UBE3D: variants seen among roughly 807,000 people sequenced by gnomAD.
UBE3D encodes the protein ubiquitin protein ligase E3D, also known as E3 ubiquitin-protein ligase E3D.
A neutral mutation model predicts 49.6 loss-of-function variants in UBE3D; 48 were observed. The ratio of observed to expected loss-of-function variants is 0.97; its 90% CI spans 0.77 to 1.23. The LOEUF (loss-of-function observed/expected upper bound fraction) is 1.23, where lower values mean the gene tolerates loss of function less well. UBE3D is among the 50% of genes most tolerant of loss of function. UBE3D has a pLI of 0.00. For synonymous variants in UBE3D, 189 were observed against 174.2 expected (o/e 1.08, Z -0.67); for missense variants, 452 against 468.4 (o/e 0.96, Z 0.32).
At chr6:83,041,834 T>C (rs1255539596) in intron 4 of UBE3D, among the ~76,000 whole-genome samples, 16 of 152,220 alleles carry the variant, frequency 1.1e-4, no homozygotes, top group Admixed American at 1.0e-3. Context: ...CAATTTTATT[T>C]GCTCTTTAAA....
chr6:82,965,583 CAAAAAAAAAAAA>C (rs35257086), intron 8 of UBE3D, among the ~76,000 whole-genome samples: 1 of 86,358 alleles, frequency 1.2e-5, no homozygotes. Context: ...AACTCCATCT[CAAAAAAAAAAAA>C]AAAAAAAAGA....
intron 8 of UBE3D, among the ~76,000 whole-genome samples, chr6:82,998,372 A>G (rs1482579703): frequency 2.0e-5 from 3 of 152,246 alleles, no homozygotes; most frequent in African/African-American, 7.2e-5. Context: ...AAGCAGAACC[A>G]CAGGAACACT....
At chr6:82,945,028 C>A (rs915255524) in intron 9 of UBE3D, among the ~76,000 whole-genome samples, 2 of 152,226 alleles carry the variant, frequency 1.3e-5, no homozygotes, top group African/African-American at 4.8e-5. Flanking sequence ...CACCCAGTGG[C>A]CGGAGGAAAT....
intron 9 of UBE3D, among the ~76,000 whole-genome samples, chr6:82,949,175 G>A (rs955643049): frequency 4.6e-5 from 7 of 151,936 alleles, no homozygotes; most frequent in Admixed American, 6.6e-5. Flanking sequence ...GTAAAGTTGC[G>A]GGGGACAAAA....
intron 9 of UBE3D, among the ~76,000 whole-genome samples, chr6:82,940,995 T>C (rs142437519): frequency 2.4e-4 from 36 of 152,234 alleles, no homozygotes; most frequent in Non-Finnish European, 1.6e-4. Flanking sequence ...GGTGGATCAC[T>C]TGAGGTCAGG....
intron 8 of UBE3D, among the ~76,000 whole-genome samples, chr6:82,967,889 C>A (rs532174734): frequency 6.6e-6 from 1 of 152,264 alleles, no homozygotes; most frequent in African/African-American, 2.4e-5. Context: ...GCAATCCTCC[C>A]ACCTCAGTCT....
At chr6:83,054,126 C>T in intron 3 of UBE3D, 22 bp downstream of exon 3, 3 of 1,574,072 alleles carry the variant, frequency 1.9e-6, no homozygotes, top group Non-Finnish European at 2.6e-6. Context: ...CAGAATTAAT[C>T]AGTGTTAAAT....
At position 83,027,418 on chromosome 6, in the gene UBE3D, G is replaced by C. The variant is rs539396717; in HGVS notation, c.668-3380C>G. ...ACCACTGTGCTCCAGCCTGGCGACA[G>C]AGCGAGACTCCGTCTCAAAAAAAAA... On this transcript the variant is annotated intron_variant, in intron 5 of 9. Transcript: ENST00000369747. Among the ~76,000 whole-genome samples, 84 of 70,708 alleles carry C rather than the reference G, an allele frequency of 1.2e-3. 1 individual carries two copies. The highest frequency in any genetic ancestry group is 3.8e-3 in the African/African-American group (82 of 21,824). The allele number at this position is 70,708 out of a possible 152,430, so 46.4% of individuals were successfully genotyped here.
intron 9 of UBE3D, among the ~76,000 whole-genome samples, chr6:82,898,362 T>G (rs1444363593): frequency 6.6e-6 from 1 of 152,174 alleles, no homozygotes; most frequent in Non-Finnish European, 1.5e-5. Flanking sequence ...CATTCTACTA[T>G]AAAGATACAT....
intron 8 of UBE3D, among the ~76,000 whole-genome samples, chr6:82,978,026 A>T (rs143530618): frequency 1.3e-5 from 2 of 152,132 alleles, no homozygotes; most frequent in African/African-American, 4.8e-5. Context: ...TGGCACACTA[A>T]TCTCAGAAAC....
intron 8 of UBE3D, among the ~76,000 whole-genome samples, chr6:82,984,860 T>G (rs953461572): frequency 6.6e-6 from 1 of 152,122 alleles, no homozygotes; most frequent in Non-Finnish European, 1.5e-5. Flanking sequence ...TTGCCCTGGC[T>G]GGAGTTCAGT....
intron 5 of UBE3D, among the ~76,000 whole-genome samples, chr6:83,025,677 G>A (rs911721818): frequency 6.6e-6 from 1 of 151,912 alleles, no homozygotes; most frequent in Non-Finnish European, 1.5e-5. Flanking sequence ...GGGGTCAGGC[G>A]TTTGAGACCA....
intron 8 of UBE3D, among the ~76,000 whole-genome samples, chr6:82,999,304 C>G (rs1357705078): frequency 6.6e-6 from 1 of 152,158 alleles, no homozygotes; most frequent in Admixed American, 6.5e-5. Context: ...CCAGACCTTT[C>G]CATCTTGTCC....
At chr6:82,994,377 T>G (rs978820651) in intron 8 of UBE3D, among the ~76,000 whole-genome samples, 1 of 152,174 alleles carries the variant, frequency 6.6e-6, no homozygotes, top group African/African-American at 2.4e-5. Flanking sequence ...ATAGATCAAT[T>G]AATATTTGAG....
chr6:82,961,971 A>T (rs370935723), intron 8 of UBE3D, among the ~76,000 whole-genome samples: 2 of 134,236 alleles, frequency 1.5e-5, no homozygotes, highest in South Asian at 5.6e-4. Context: ...AACAAAAAAG[A>T]TGCTAATTTA....
chr6:83,053,528 G>T (rs1462676826), intron 3 of UBE3D, among the ~76,000 whole-genome samples: 2 of 152,090 alleles, frequency 1.3e-5, no homozygotes, highest in East Asian at 1.9e-4. Flanking sequence ...AAAAGAAAAA[G>T]AAATTAAAAA....
At chr6:83,046,233 CTTTT>C (rs201532901) in intron 3 of UBE3D, among the ~76,000 whole-genome samples, 1 of 146,980 alleles carries the variant, frequency 6.8e-6, no homozygotes, top group East Asian at 2.0e-4. Flanking sequence ...GTGAATGCTA[CTTTT>C]TTTTTTTAAC....
At chr6:82,892,088 T>G (rs1000910534), downstream of UBE3D, among the ~76,000 whole-genome samples, 11 of 152,318 alleles carry the variant, frequency 7.2e-5, no homozygotes, top group Middle Eastern at 6.8e-3. Flanking sequence ...TCAGGTGGTC[T>G]GTGGAGATTA....
chr6:82,974,783 T>TA (rs61512311), intron 8 of UBE3D, among the ~76,000 whole-genome samples: 105,346 of 148,182 alleles, frequency 0.71, 37,323 homozygotes, highest in East Asian at 0.82. Context: ...TAAAAGACCT[T>TA]AAAAAAAAAA....
Sources: allele counts gnomAD v4.1 joint callset (sites outside exome capture counted in the v4.1 genomes callset), GRCh38; gene constraint gnomAD v4.1.1; transcripts MANE v1.5; gene names NCBI Gene and HGNC (gene_info 2026-07-23, HGNC 2026-07-21).